The following TMEM238 variants were observed in gnomAD, a reference collection of about 807,000 sequenced individuals.
TMEM238 encodes the protein transmembrane protein 238.
For synonymous variants in TMEM238, 103 were observed against 111.5 expected (o/e 0.92, Z 0.48); for missense variants, 169 against 206.8 (o/e 0.82, Z 1.12).
At chr19:55,380,276 TC>T (rs2089880011) in intron 1 of TMEM238, among the ~76,000 whole-genome samples, 1 of 38,092 alleles carries the variant, frequency 2.6e-5, no homozygotes, top group African/African-American at 1.2e-4. Context: ...TCTCCTCCCC[TC>T]CCCTCCCCTC....
Position 55,383,867 on chromosome 19 carries a change from C to G in TMEM238, c.393G>C (p.Gln131His), listed in dbSNP as rs1600296221. ...CTCTCCGGGAGCCGGGCGCGGGGCG[C>G]TGGCCCGCGGCGGCGGGCGCCGACC... ...RRWSAPAAAGQRPAPGSRRAR... is the reference protein window; with the variant it reads ...RRWSAPAAAGHRPAPGSRRAR... The change falls in exon 1 of 2, where the codon CAG becomes CAC. Residue 131 changes from glutamine (Q) to histidine (H), a missense_variant. Coordinates refer to ENST00000444469, the MANE Select transcript of TMEM238 (RefSeq NM_001190764.2). This position sits in a 1 kb window ranked among gnomAD's most constrained non-coding sequence, Gnocchi z 4.9. 3 of 965,924 alleles carry G rather than the reference C, an allele frequency of 3.1e-6. No individual in the cohort carries two copies. The highest frequency in any genetic ancestry group is 3.6e-5 in the African/African-American group (2 of 56,112). 59.8% of individuals were successfully genotyped at this position (965,924 alleles called of 1,614,324 possible).
rs1425155049 is a variant in TMEM238 at position 55,383,063 on chromosome 19, C to G, written c.*7+659G>C. Among the ~76,000 whole-genome samples the G allele has an allele frequency of 6.6e-6, 1 of 152,176 alleles. No homozygotes were observed. The highest frequency in any genetic ancestry group is 1.9e-4 in the East Asian group (1 of 5,198). On this transcript the variant is annotated intron_variant, in intron 1 of 1. Transcript: ENST00000444469. The surrounding 1 kb of genome is among the most constrained non-coding windows in gnomAD (Gnocchi z 4.9). ...TGGTAATAGTAGTGACCTTGGAGACCAGTTACATGGAGAGGATTAAATGGG... is the reference window on the plus strand; with the variant it reads ...TGGTAATAGTAGTGACCTTGGAGACGAGTTACATGGAGAGGATTAAATGGG...
rs1438357119 is a variant in TMEM238 at position 55,384,087 on chromosome 19, G to T, written c.173C>A (p.Ala58Glu). Residue 58 changes from alanine to glutamate, a missense_variant, in exon 1 of 2, where the codon GCG (alanine) becomes GAG (glutamate). Coordinates refer to ENST00000444469, the MANE Select transcript of TMEM238 (RefSeq NM_001190764.2). This position sits in a 1 kb window ranked among gnomAD's most constrained non-coding sequence, Gnocchi z 5.6. Reference sequence around the variant, plus strand: ...GTCGCGGCCGCGCACCTGCAGCTGCGCGAACACGCCGGTCAGCAGCGCCGC... The same window carrying T: ...GTCGCGGCCGCGCACCTGCAGCTGCTCGAACACGCCGGTCAGCAGCGCCGC... Reference protein sequence around the residue: ...GMAALLTGVFAQLQVRGRDFG... With the variant: ...GMAALLTGVFEQLQVRGRDFG... The T allele has an allele frequency of 1.4e-5, 20 of 1,471,170 alleles. No homozygotes were observed. The highest frequency in any genetic ancestry group is 1.8e-5 in the Non-Finnish European group (20 of 1,108,146). 91.1% of individuals were successfully genotyped at this position (1,471,170 alleles called of 1,614,324 possible). A position where few individuals can be genotyped will look rare whatever the true frequency, so the allele number is the denominator to read the frequency against.
chr19:55,380,816 C>A (rs1245427569), intron 1 of TMEM238, among the ~76,000 whole-genome samples: 1 of 150,594 alleles, frequency 6.6e-6, no homozygotes, highest in East Asian at 2.0e-4. Context: ...TGGCTCACTG[C>A]AGCCTTTGCC....
chr19:55,382,975 G>A (rs1203047632), intron 1 of TMEM238, among the ~76,000 whole-genome samples: 1 of 152,216 alleles, frequency 6.6e-6, no homozygotes, highest in Admixed American at 6.5e-5. Context: ...CCTACGTGTT[G>A]TGTGGCCTTG....
intron 1 of TMEM238, among the ~76,000 whole-genome samples, chr19:55,382,480 C>G (rs1240969535): frequency 2.0e-5 from 3 of 152,154 alleles, no homozygotes; most frequent in Non-Finnish European, 2.9e-5. Context: ...AATATGAAGA[C>G]CCAGAGAAGA....
At chr19:55,380,029 G>C (rs1242264466) in intron 1 of TMEM238, among the ~76,000 whole-genome samples, 2 of 151,790 alleles carry the variant, frequency 1.3e-5, no homozygotes, top group Non-Finnish European at 2.9e-5. Flanking sequence ...CGGAGGTTGT[G>C]GGGGTACCAG....
intron 1 of TMEM238, among the ~76,000 whole-genome samples, chr19:55,380,575 C>T (rs937902208): frequency 3.3e-5 from 5 of 150,358 alleles, no homozygotes; most frequent in Non-Finnish European, 7.4e-5. Context: ...CAGGCGTCCG[C>T]CACCATGCCT....
Position 55,383,482 on chromosome 19 carries a change from C to T in TMEM238, c.*7+240G>A, listed in dbSNP as rs1312181285. Reference sequence around the variant, plus strand: ...CGGGGGGCCTAACTGTGTGACTCGACCCCCACACTTCCCATCTCCAGGGGC... The same window carrying T: ...CGGGGGGCCTAACTGTGTGACTCGATCCCCACACTTCCCATCTCCAGGGGC... On this transcript the variant is annotated intron_variant, in intron 1 of 1. Coordinates refer to ENST00000444469, the MANE Select transcript of TMEM238 (RefSeq NM_001190764.2). The surrounding 1 kb of genome is among the most constrained non-coding windows in gnomAD (Gnocchi z 4.9). Among the ~76,000 whole-genome samples, 1 of 152,172 alleles carries T rather than the reference C, an allele frequency of 6.6e-6. No individual in the cohort carries two copies. The highest frequency in any genetic ancestry group is 2.4e-5 in the African/African-American group (1 of 41,444).
At chr19:55,381,482 G>T (rs1283666416) in intron 1 of TMEM238, among the ~76,000 whole-genome samples, 1 of 148,744 alleles carries the variant, frequency 6.7e-6, no homozygotes, top group Non-Finnish European at 1.5e-5. Flanking sequence ...TAGGATAATA[G>T]GGTTTAATTC....
At chr19:55,382,892 A>G (rs2089891957) in intron 1 of TMEM238, among the ~76,000 whole-genome samples, 1 of 152,108 alleles carries the variant, frequency 6.6e-6, no homozygotes, top group Admixed American at 6.6e-5. Flanking sequence ...CTCCTTTCCT[A>G]GGCCTACAGG....
At position 55,379,309 on chromosome 19, in the gene TMEM238, G is replaced by A. The variant is rs1221653887; in HGVS notation, c.*66C>T. On this transcript the variant is annotated 3_prime_UTR_variant, in exon 2 of 2. Coordinates refer to ENST00000444469, the MANE Select transcript of TMEM238 (RefSeq NM_001190764.2). ...GTACAGGGAGCGTCCGTCTGGCCAC[G>A]GATGTAGGGGCAGCTGCACATCTCA... 2.6e-5 allele frequency: 4 copies of A among 152,422 alleles called. No individual in the cohort carries two copies. Among genetic ancestry groups the A allele is most frequent in the East Asian group, 1.9e-4 (1 of 5,190 alleles). 9.4% of individuals were successfully genotyped at this position (152,422 alleles called of 1,614,324 possible).
Position 55,383,205 on chromosome 19 carries a change from G to C in TMEM238, c.*7+517C>G, listed in dbSNP as rs2089892946. ...AACCTGGCCCACATGGCAAAACCCC[G>C]TCTCTACTAAATATACAAAAATTAG... On this transcript the variant is annotated intron_variant, in intron 1 of 1. Coordinates refer to ENST00000444469, the MANE Select transcript of TMEM238 (RefSeq NM_001190764.2). The surrounding 1 kb of genome is among the most constrained non-coding windows in gnomAD (Gnocchi z 4.9). Among the ~76,000 whole-genome samples the C allele has an allele frequency of 6.6e-6, 1 of 152,166 alleles. No homozygotes were observed. Among genetic ancestry groups the C allele is most frequent in the Non-Finnish European group, 1.5e-5 (1 of 68,024 alleles).
At position 55,384,068 on chromosome 19, in the gene TMEM238, G is replaced by A; in HGVS notation, c.192C>T (p.Gly64=). Residue 64 remains glycine, a synonymous_variant, in exon 1 of 2, where the codon GGC becomes GGT. Coordinates refer to ENST00000444469, the MANE Select transcript of TMEM238 (RefSeq NM_001190764.2). This position sits in a 1 kb window ranked among gnomAD's most constrained non-coding sequence, Gnocchi z 5.6. ...AGATGAGCAGGTCCCCGAAGTCGCG[G>A]CCGCGCACCTGCAGCTGCGCGAACA... is the stretch of plus-strand genomic sequence containing the variant. The part of the protein sequence containing the change: ...TGVFAQLQVR[G]RDFGDLLIYS... 6.8e-7 allele frequency: 1 copy of A among 1,478,940 alleles called. No individual in the cohort carries two copies. The highest frequency in any genetic ancestry group is 9.0e-7 in the Non-Finnish European group (1 of 1,112,522). 91.6% of individuals were successfully genotyped at this position (1,478,940 alleles called of 1,614,324 possible). A position where few individuals can be genotyped will look rare whatever the true frequency, so the allele number is the denominator to read the frequency against.
intron 1 of TMEM238, among the ~76,000 whole-genome samples, chr19:55,380,806 TG>T (rs1341574073): frequency 6.6e-6 from 1 of 151,154 alleles, no homozygotes; most frequent in Non-Finnish European, 1.5e-5. Context: ...GGCGTGATCT[TG>T]GCTCACTGCA....
Position 55,384,074 on chromosome 19 carries a change from C to A in TMEM238, c.186G>T (p.Val62=). The A allele has an allele frequency of 6.8e-7, 1 of 1,477,388 alleles. No individual in the cohort carries two copies. The highest frequency in any genetic ancestry group is 2.7e-5 in the East Asian group (1 of 37,046). 91.5% of individuals were successfully genotyped at this position (1,477,388 alleles called of 1,614,324 possible). Residue 62 remains valine (V), a synonymous_variant, in exon 1 of 2, where the codon GTG becomes GTT. Coordinates refer to ENST00000444469, the MANE Select transcript of TMEM238 (RefSeq NM_001190764.2). This position sits in a 1 kb window ranked among gnomAD's most constrained non-coding sequence, Gnocchi z 5.6. ...GCAGGTCCCCGAAGTCGCGGCCGCG[C>A]ACCTGCAGCTGCGCGAACACGCCGG... ...LLTGVFAQLQ[V]RGRDFGDLLI... is the part of the protein sequence containing the mutation.
At chr19:55,381,613 C>G (rs995970068) in intron 1 of TMEM238, among the ~76,000 whole-genome samples, 1 of 152,172 alleles carries the variant, frequency 6.6e-6, no homozygotes, top group East Asian at 1.9e-4. Context: ...TTCAACTACC[C>G]ATTCACCCAT....
chr19:55,382,845 C>A (rs10424959), intron 1 of TMEM238, among the ~76,000 whole-genome samples: 2,760 of 152,256 alleles, frequency 0.018, 55 homozygotes, highest in African/African-American at 0.052. Context: ...TCTTACTCCT[C>A]CTTTTCTAGG....
rs1362953237 is a variant in TMEM238 at position 55,383,270 on chromosome 19, G to A, written c.*7+452C>T. ...GCGCACATGTATTCTCAGCTACTTG[G>A]GAGGCTCAGGTGGGAGGACTGCTTG... On this transcript the variant is annotated intron_variant, in intron 1 of 1. Coordinates refer to ENST00000444469, the MANE Select transcript of TMEM238 (RefSeq NM_001190764.2). The surrounding 1 kb of genome is among the most constrained non-coding windows in gnomAD (Gnocchi z 4.9). 6.6e-6 allele frequency among the ~76,000 whole-genome samples: 1 copy of A among 152,192 alleles called. No homozygotes were observed. The highest frequency in any genetic ancestry group is 1.5e-5 in the Non-Finnish European group (1 of 68,038).
Sources: gnomAD v4.1 joint callset for allele counts (sites outside exome capture counted in the v4.1 genomes callset) on GRCh38, gnomAD v4.1.1 for gene constraint, Gnocchi (gnomAD v3.1) non-coding constraint, MANE v1.5 for transcripts, NCBI Gene and HGNC (gene_info 2026-07-23, HGNC 2026-07-21) for gene names.